The following TENM4 variants were observed in gnomAD, a reference collection of about 807,000 sequenced individuals.
The protein encoded by TENM4 is teneurin transmembrane protein 4.
A neutral mutation model predicts 243.3 loss-of-function variants in TENM4; 82 were observed. That is an observed-to-expected ratio of 0.34 (90% CI 0.28 to 0.40). The LOEUF (loss-of-function observed/expected upper bound fraction) is 0.40, where lower values mean the gene tolerates loss of function less well. TENM4 is among the 10% of genes least tolerant of loss of function. The pLI, the probability that TENM4 is intolerant of heterozygous loss-of-function variation, is 1.00. For missense variants in TENM4, 3,138 were observed against 3,673.3 expected (o/e 0.85, Z 3.77); for synonymous variants, 1,412 against 1,456.3 (o/e 0.97, Z 0.69).
intron 9 of TENM4, among the ~76,000 whole-genome samples, chr11:78,875,076 C>A (rs925446630): frequency 6.6e-6 from 1 of 152,214 alleles, no homozygotes; most frequent in Non-Finnish European, 1.5e-5. Flanking sequence ...CATTCATAAC[C>A]TGGCCTCCTG....
chr11:79,323,170 A>C (rs1856919233), intron 1 of TENM4, among the ~76,000 whole-genome samples: 1 of 152,250 alleles, frequency 6.6e-6, no homozygotes, highest in South Asian at 2.1e-4. Context: ...ATTTGCTATA[A>C]TGAAATTATT....
intron 28 of TENM4, among the ~76,000 whole-genome samples, chr11:78,695,843 G>T (rs1271025686): frequency 1.5e-5 from 2 of 134,390 alleles, no homozygotes; most frequent in African/African-American, 7.6e-5. Context: ...TTGAATATAT[G>T]GCTAGAAATG....
At chr11:78,925,002 T>C (rs615046) in intron 6 of TENM4, among the ~76,000 whole-genome samples, 49,628 of 152,072 alleles carry the variant, frequency 0.33, 9,410 homozygotes, top group African/African-American at 0.52. Flanking sequence ...GGCAAAGCTG[T>C]GATTTTGCAA....
chr11:78,803,465 C>T (rs1204023719), intron 15 of TENM4, among the ~76,000 whole-genome samples: 1 of 152,062 alleles, frequency 6.6e-6, no homozygotes, highest in African/African-American at 2.4e-5. Context: ...TTTGAAACCC[C>T]CAAAAAAAGA....
intron 29 of TENM4, among the ~76,000 whole-genome samples, chr11:78,677,415 C>T (rs112630359): frequency 0.012 from 1,814 of 151,932 alleles, 37 homozygotes; most frequent in African/African-American, 0.04. Flanking sequence ...TCACCACACC[C>T]GGCTAATTTT....
intron 4 of TENM4, among the ~76,000 whole-genome samples, chr11:79,124,533 C>G (rs1397541471): frequency 1.3e-5 from 2 of 151,842 alleles, no homozygotes; most frequent in Non-Finnish European, 1.5e-5. Flanking sequence ...AGCCTGCAGA[C>G]AGCCTATTGT....
chr11:78,973,653 T>C (rs1318579205), intron 6 of TENM4, among the ~76,000 whole-genome samples: 4 of 152,104 alleles, frequency 2.6e-5, no homozygotes, highest in Admixed American at 6.5e-5. Flanking sequence ...GAAGCTTACA[T>C]TCTAGTGAAA....
rs575986191 is a variant in TENM4 at position 79,064,913 on chromosome 11, G to A, written c.318C>T (p.Gly106=). The change falls in exon 6 of 34, where the codon GGC becomes GGT. Residue 106 remains glycine, a synonymous_variant. Transcript: ENST00000278550. The part of the protein sequence containing the change: ...YRTDIGLPHC[G]YSMGAGSDAD... ...CATCAGAGCCAGCCCCCATGGAGTA[G>A]CCGCAGTGGGGGAGGCCAATGTCTG... 2.6e-4 allele frequency: 402 copies of A among 1,543,740 alleles called. 3 individuals carry two copies. The South Asian group carries it at 4.4e-3, about 17-fold the overall frequency.
At chr11:78,673,837 C>T (rs143180030) in intron 30 of TENM4, among the ~76,000 whole-genome samples, 6 of 152,308 alleles carry the variant, frequency 3.9e-5, no homozygotes, top group Non-Finnish European at 8.8e-5. Context: ...TTTATAATGA[C>T]GATGCTGACT....
rs546414158 is a variant in TENM4, at chr11:78,971,989, C to T, written c.494-68466G>A. Among the ~76,000 whole-genome samples the T allele has an allele frequency of 8.3e-4, 127 of 152,180 alleles. 1 individual carries two copies. Among genetic ancestry groups the T allele is most frequent in the African/African-American group, 2.8e-3 (116 of 41,516 alleles). ...AGTAATTCTGACTTTTGTTGAATTA[C>T]GTATGGGTGCAATCTGTATAAAAAT... is the stretch of plus-strand genomic sequence containing the variant. On this transcript the variant is annotated intron_variant, in intron 6 of 33. Transcript: ENST00000278550.
rs144180773 is a variant in TENM4, at chr11:78,942,652, C to T, written c.494-39129G>A. ...CTAAGTGCAAGCTCTGTGGGCAACA[C>T]GAGACAGAATCTATCCCAGAGGAGC... On this transcript the variant is annotated intron_variant, in intron 6 of 33. Coordinates refer to ENST00000278550, the MANE Select transcript of TENM4 (RefSeq NM_001098816.3). Among the ~76,000 whole-genome samples the T allele has an allele frequency of 4.0e-3, 604 of 152,166 alleles. 1 individual carries two copies. Among genetic ancestry groups the T allele is most frequent in the Non-Finnish European group, 6.1e-3 (413 of 67,998 alleles).
chr11:79,125,990 G>T (rs1861867077), intron 4 of TENM4, among the ~76,000 whole-genome samples: 1 of 152,206 alleles, frequency 6.6e-6, no homozygotes. Context: ...AAGGGTGTAG[G>T]ATAATGGTAG....
rs1855501535 is a variant in TENM4, at chr11:78,725,978, T to C, written c.3550+101A>G. ...TGAGCTCTCTGACCACATAGGAGCCTATGGGATTCAAAATGTGAATTTTTT... is the reference window on the plus strand; with the variant it reads ...TGAGCTCTCTGACCACATAGGAGCCCATGGGATTCAAAATGTGAATTTTTT... On this transcript the variant is annotated intron_variant, in intron 23 of 33. Transcript: ENST00000278550. 2.0e-6 allele frequency: 3 copies of C among 1,490,234 alleles called. No individual in the cohort carries two copies. In the South Asian group the frequency reaches 3.8e-5, roughly 19 times the overall value. 92.3% of individuals were successfully genotyped at this position (1,490,234 alleles called of 1,614,324 possible).
intron 1 of TENM4, among the ~76,000 whole-genome samples, chr11:79,351,913 G>T (rs1322859303): frequency 6.6e-6 from 1 of 152,076 alleles, no homozygotes; most frequent in Non-Finnish European, 1.5e-5. Context: ...AGAGCCCCGT[G>T]CTGGGTGCCA....
intron 9 of TENM4, among the ~76,000 whole-genome samples, chr11:78,877,210 G>A (rs1859288282): frequency 8.2e-6 from 1 of 122,296 alleles, no homozygotes; most frequent in Non-Finnish European, 1.9e-5. Context: ...CTGAGTGGAA[G>A]GAGAAATACT....
intron 6 of TENM4, among the ~76,000 whole-genome samples, chr11:79,035,234 C>T (rs1012912753): frequency 6.6e-6 from 1 of 152,210 alleles, no homozygotes; most frequent in East Asian, 1.9e-4. Context: ...GTGCAATGGC[C>T]ATGGTGCTCA....
chr11:78,749,472 GTTTA>G (rs1008844797), intron 19 of TENM4: 16 of 151,842 alleles, frequency 1.1e-4, no homozygotes, highest in Admixed American at 9.2e-4. Context: ...GGAAGTTGGT[GTTTA>G]TTTGAAGTCC....
intron 6 of TENM4, among the ~76,000 whole-genome samples, chr11:78,984,312 G>T (rs994868770): frequency 1.8e-4 from 27 of 152,162 alleles, no homozygotes; most frequent in Non-Finnish European, 1.2e-4. Context: ...CAAATATCCA[G>T]TAAATGTTAA....
chr11:78,765,719 C>G (rs529669821), intron 18 of TENM4, among the ~76,000 whole-genome samples: 1 of 152,154 alleles, frequency 6.6e-6, no homozygotes, highest in African/African-American at 2.4e-5. Context: ...GTTCTCTGAG[C>G]CTTAGTTTCC....
Sources: allele counts gnomAD v4.1 joint callset (sites outside exome capture counted in the v4.1 genomes callset), GRCh38; gene constraint gnomAD v4.1.1; transcripts MANE v1.5; gene names NCBI Gene and HGNC (gene_info 2026-07-23, HGNC 2026-07-21).